The following LAMA1 variants were observed in gnomAD, a reference collection of about 807,000 sequenced individuals.
LAMA1 encodes the protein laminin subunit alpha 1.
In LAMA1, 219 loss-of-function variants were observed where a neutral mutation model predicts 348.7. That is an observed-to-expected ratio of 0.63 (90% confidence interval 0.56 to 0.70). The LOEUF (loss-of-function observed/expected upper bound fraction) is 0.70. Among genes scored for constraint, LAMA1 ranks in the 30% least tolerant of loss-of-function variants. The pLI, the probability that LAMA1 is intolerant of heterozygous loss-of-function variation, is 0.00. For missense variants in LAMA1, 3,744 were observed against 3,888.0 expected, an observed-to-expected ratio of 0.96 and a Z score of 0.99; for synonymous variants, 1,487 against 1,491.0, an observed-to-expected ratio of 1.00 and a Z score of 0.06.
At chr18:7,027,862 G>A (rs2057951527) in intron 16 of LAMA1, among the ~76,000 whole-genome samples, 1 of 152,182 alleles carries the variant, frequency 6.6e-6, no homozygotes, top group Admixed American at 6.5e-5. Flanking sequence ...AGAATTGCAT[G>A]AACCTGGGAG....
At chr18:6,997,631 G>T in intron 33 of LAMA1, 111 bp downstream of exon 33, 1 of 1,177,098 alleles carries the variant, frequency 8.5e-7, no homozygotes, top group Non-Finnish European at 1.3e-6. Flanking sequence ...GCTGATGGAA[G>T]TTGGGCTCTC....
intron 56 of LAMA1, chr18:6,956,003 A>G (rs114576288): frequency 0.035 from 10,666 of 307,138 alleles, 1,065 homozygotes; most frequent in African/African-American, 0.21. Context: ...GGCTGTCCTA[A>G]GAGTGCCCAA....
At chr18:7,028,940 G>A (rs752930472) in intron 16 of LAMA1, among the ~76,000 whole-genome samples, 11 of 152,148 alleles carry the variant, frequency 7.2e-5, no homozygotes, top group East Asian at 1.9e-4. Context: ...CTTCTCCTAC[G>A]GCCACTCATT....
intron 36 of LAMA1, among the ~76,000 whole-genome samples, chr18:6,991,877 T>C (rs563160254): frequency 1.3e-5 from 2 of 152,374 alleles, no homozygotes; most frequent in South Asian, 4.1e-4. Context: ...CACATGACTA[T>C]ATCATTTCAT....
intron 32 of LAMA1, 28 bp from the exon 33 acceptor site, chr18:6,997,912 G>A (rs748637454): frequency 1.2e-6 from 2 of 1,610,786 alleles, no homozygotes; most frequent in East Asian, 4.5e-5. Flanking sequence ...AAAAAGGAGA[G>A]TTAAAGTTAA....
chr18:6,941,931 T>A lies in LAMA1; in HGVS notation c.*148A>T. The A allele has an allele frequency of 1.1e-6, 1 of 929,434 alleles. No homozygotes were observed. Among genetic ancestry groups the A allele is most frequent in the Non-Finnish European group, 1.7e-6 (1 of 578,048 alleles). The allele number at this position is 929,434 out of a possible 1,614,324, so 57.6% of individuals were successfully genotyped here. On this transcript the variant is annotated 3_prime_UTR_variant, in exon 63 of 63. Coordinates refer to ENST00000389658, the MANE Select transcript of LAMA1 (RefSeq NM_005559.4). ...ATGGAGGTATTTGTTGCACATGTGG[T>A]TTTAGTGTAACGTAAACACAACATC...
intron 1 of LAMA1, among the ~76,000 whole-genome samples, chr18:7,104,747 C>T (rs1471345912): frequency 6.6e-6 from 1 of 152,248 alleles, no homozygotes; most frequent in Non-Finnish European, 1.5e-5. Context: ...TCAGAGGGAA[C>T]TTCCAATGTC....
In LAMA1 at chr18:6,971,880, G is replaced by C. The variant is rs994243197; in HGVS notation, c.6876C>G (p.Gly2292=). The change falls in exon 48 of 63, where the codon GGC becomes GGG. Residue 2292 remains glycine (G), a synonymous_variant. Coordinates refer to ENST00000389658, the MANE Select transcript of LAMA1 (RefSeq NM_005559.4). The stretch of plus-strand genomic sequence containing the variant: ...ACCTTCCGAAGCACCCACGGCACTT[G>C]CCTTCCCTTTCAATATAGTTCCATA... ...IGLWNYIERE[G]KCRGCFGSSQ... is the part of the protein sequence containing the mutation. The C allele has an allele frequency of 1.4e-5, 23 of 1,614,100 alleles. No homozygotes were observed. Among genetic ancestry groups the C allele is most frequent in the Non-Finnish European group, 1.8e-5 (21 of 1,180,006 alleles).
chr18:7,103,903 C>T (rs890904194), intron 1 of LAMA1, among the ~76,000 whole-genome samples: 36 of 152,260 alleles, frequency 2.4e-4, no homozygotes, highest in African/African-American at 8.4e-4. Flanking sequence ...AGCGGATCTT[C>T]GCTCTGCTTC....
At chr18:7,098,191 G>A (rs1178386864) in intron 1 of LAMA1, among the ~76,000 whole-genome samples, 20 of 151,462 alleles carry the variant, frequency 1.3e-4, no homozygotes, top group South Asian at 2.1e-4. Flanking sequence ...CGTGATCTCG[G>A]CTCGCTACAA....
chr18:6,956,050 A>G (rs1054775396), intron 56 of LAMA1: 19 of 298,104 alleles, frequency 6.4e-5, no homozygotes, highest in African/African-American at 3.1e-4. Context: ...CTGCTTCAGC[A>G]CAGGCAGATG....
In LAMA1 at chr18:7,040,330, T is replaced by C. The variant is rs577789520; in HGVS notation, c.1262-94A>G. On this transcript the variant is annotated intron_variant, in intron 9 of 62. Transcript: ENST00000389658. ...GTTTTCTGTAAAGGGTCAGAGGGTA[T>C]CTATTTTAGGCTTTTTGGCCTCAGA... 5 of 1,343,192 alleles carry C rather than the reference T, an allele frequency of 3.7e-6. No individual in the cohort carries two copies. In the Admixed American group the frequency reaches 8.4e-5, roughly 23 times the overall value. 83.2% of individuals were successfully genotyped at this position (1,343,192 alleles called of 1,614,324 possible).
At chr18:7,018,616 C>T (rs80192449) in intron 19 of LAMA1, among the ~76,000 whole-genome samples, 19,039 of 151,856 alleles carry the variant, frequency 0.13, 1,302 homozygotes, top group Middle Eastern at 0.17. Flanking sequence ...AGGATGGTCT[C>T]GATCTCCTGA....
Position 7,100,358 on chromosome 18 carries a change from G to T in LAMA1, c.61+17302C>A, listed in dbSNP as rs1168810850. Reference sequence around the variant, plus strand: ...CTATCATCAGGTAATGCATAGTGTTGGTAAGAATGTGGGGAAGATGGAACA... The same window carrying T: ...CTATCATCAGGTAATGCATAGTGTTTGTAAGAATGTGGGGAAGATGGAACA... On this transcript the variant is annotated intron_variant, in intron 1 of 62. Transcript: ENST00000389658. 4.6e-5 allele frequency among the ~76,000 whole-genome samples: 7 copies of T among 151,968 alleles called. No individual in the cohort carries two copies. The East Asian group carries it at 1.3e-3, about 29-fold the overall frequency.
At position 6,973,152 on chromosome 18, in the gene LAMA1, G is replaced by A; in HGVS notation, c.6679C>T (p.Pro2227Ser). ...VKEMSSNQKSPTKTSKSPGTA... is the reference protein window; with the variant it reads ...VKEMSSNQKSSTKTSKSPGTA... ...CCAGGGGATTTACTTGTTTTTGTTG[G>A]TGACTTTTGATTTGAGCTCATTTCC... Residue 2227 changes from proline (P) to serine (S), a missense_variant, in exon 47 of 63, where the codon CCA becomes TCA. This residue lies in a region of LAMA1 where 1,983 missense variants were observed against 1,934.3 expected (regional missense o/e 1.03). Transcript: ENST00000389658. 1 of 1,614,060 alleles carries A rather than the reference G, an allele frequency of 6.2e-7. No individual in the cohort carries two copies. The highest frequency in any genetic ancestry group is 1.1e-5 in the South Asian group (1 of 91,068).
At chr18:7,041,772 C>T (rs2058021503) in intron 9 of LAMA1, among the ~76,000 whole-genome samples, 6 of 152,160 alleles carry the variant, frequency 3.9e-5, no homozygotes, top group Admixed American at 3.9e-4. Flanking sequence ...CTTCCTTCAC[C>T]AAATGCTCAA....
intron 1 of LAMA1, among the ~76,000 whole-genome samples, chr18:7,114,086 A>AG (rs1555670760): frequency 3.3e-5 from 5 of 151,880 alleles, no homozygotes; most frequent in Admixed American, 6.6e-5. Flanking sequence ...CAAAAAAAAA[A>AG]AAAAAAGAAA....
At chr18:6,942,821 A>G (rs1014883277) in intron 62 of LAMA1, among the ~76,000 whole-genome samples, 1 of 152,216 alleles carries the variant, frequency 6.6e-6, no homozygotes, top group African/African-American at 2.4e-5. Context: ...AAAATACATA[A>G]TTCTAATCCA....
chr18:7,098,312 C>T (rs1465369163), intron 1 of LAMA1, among the ~76,000 whole-genome samples: 57 of 146,452 alleles, frequency 3.9e-4, no homozygotes, highest in African/African-American at 5.6e-4. Context: ...GGCCGCCCAT[C>T]GTCTGGGATG....
Sources: gnomAD v4.1 joint callset for allele counts (sites outside exome capture counted in the v4.1 genomes callset) on GRCh38, gnomAD v4.1.1 for gene constraint, gnomAD v4.1.1 regional missense constraint, MANE v1.5 for transcripts, NCBI Gene and HGNC (gene_info 2026-07-23, HGNC 2026-07-21) for gene names.